The following STIM1 variants were observed in gnomAD, a reference collection of about 807,000 sequenced individuals.
The protein encoded by STIM1 is stromal interaction molecule 1.
In STIM1, 25 loss-of-function variants were observed where a neutral mutation model predicts 74.7. That is an observed-to-expected ratio of 0.33 (90% confidence interval 0.24 to 0.47). The LOEUF (loss-of-function observed/expected upper bound fraction) is 0.47, where lower values mean the gene tolerates loss of function less well. STIM1 is among the 20% of genes least tolerant of loss of function. The pLI, the probability that STIM1 is intolerant of heterozygous loss-of-function variation, is 1.00. For synonymous variants in STIM1, 328 were observed against 348.8 expected (o/e 0.94, Z 0.66); for missense variants, 728 against 920.8 (o/e 0.79, Z 2.71).
At chr11:3,906,336 C>T (rs2135458937) in intron 1 of STIM1, among the ~76,000 whole-genome samples, 1 of 152,330 alleles carries the variant, frequency 6.6e-6, no homozygotes, top group South Asian at 2.1e-4. Context: ...GCGAGTCATT[C>T]TCCCTTTGCA....
intron 1 of STIM1, among the ~76,000 whole-genome samples, chr11:3,893,360 T>C (rs566272778): frequency 7.2e-5 from 11 of 152,352 alleles, no homozygotes; most frequent in African/African-American, 2.4e-4. Context: ...AAATTGTACA[T>C]TTACCTACAA....
intron 2 of STIM1, among the ~76,000 whole-genome samples, chr11:3,990,229 T>C (rs2093597807): frequency 6.6e-6 from 1 of 152,268 alleles, no homozygotes; most frequent in Non-Finnish European, 1.5e-5. Context: ...CTGTACATGT[T>C]CATGTATATA....
chr11:4,028,034 C>T (rs1220781933), intron 3 of STIM1, among the ~76,000 whole-genome samples: 3 of 152,198 alleles, frequency 2.0e-5, no homozygotes, highest in African/African-American at 7.2e-5. Context: ...TACTGTTTCT[C>T]TTCTCCTTTC....
At chr11:3,958,160 A>G (rs1590600736) in intron 1 of STIM1, among the ~76,000 whole-genome samples, 1 of 152,154 alleles carries the variant, frequency 6.6e-6, no homozygotes, top group Non-Finnish European at 1.5e-5. Flanking sequence ...CACCGCTCCC[A>G]GCTGATTAAT....
rs1406268204 is a variant in STIM1, at chr11:4,083,498, T to C, written c.1474T>C (p.Tyr492His). Residue 492 changes from tyrosine (Y) to histidine (H), a missense_variant and splice_region_variant, in exon 10 of 13, where the codon TAT becomes CAT. Physicochemically the swap from Tyr to His is moderately conservative, Grantham distance 83 (BLOSUM62 2). Coordinates refer to ENST00000526596, the MANE Select transcript of STIM1 (RefSeq NM_001382567.1). ...GATTGTGTCTCCCTTGTCCATGCAGTGTAGGTGACCTCTTTGCGGGGATGA... is the reference window on the plus strand; with the variant it reads ...GATTGTGTCTCCCTTGTCCATGCAGCGTAGGTGACCTCTTTGCGGGGATGA... ...EEIVSPLSMQ[Y>H]AAWLMGRRFS... 1 of 1,612,690 alleles carries C rather than the reference T, an allele frequency of 6.2e-7. No homozygotes were observed. The highest frequency in any genetic ancestry group is 2.2e-5 in the East Asian group (1 of 44,864).
At chr11:3,890,877 G>T (rs2091872667) in intron 1 of STIM1, among the ~76,000 whole-genome samples, 1 of 152,112 alleles carries the variant, frequency 6.6e-6, no homozygotes, top group African/African-American at 2.4e-5. Context: ...CAGGTATTGG[G>T]CCAGAAGTCT....
At chr11:4,027,715 C>A (rs2094009531) in intron 3 of STIM1, among the ~76,000 whole-genome samples, 1 of 152,094 alleles carries the variant, frequency 6.6e-6, no homozygotes, top group Non-Finnish European at 1.5e-5. Context: ...AGAGAAGAAT[C>A]AGATTGGCGT....
intron 2 of STIM1, among the ~76,000 whole-genome samples, chr11:4,004,163 G>T (rs1247164647): frequency 6.6e-6 from 1 of 152,188 alleles, no homozygotes; most frequent in African/African-American, 2.4e-5. Flanking sequence ...TGGCCATGCT[G>T]CCCAAGGTAA....
intron 3 of STIM1, among the ~76,000 whole-genome samples, chr11:4,053,850 C>T (rs2094265438): frequency 6.6e-6 from 1 of 152,172 alleles, no homozygotes; most frequent in Non-Finnish European, 1.5e-5. Context: ...TTCAAGCAAT[C>T]TCCCGCCTTA....
intron 2 of STIM1, among the ~76,000 whole-genome samples, chr11:3,996,195 G>A (rs1000574172): frequency 2.6e-5 from 4 of 152,130 alleles, no homozygotes; most frequent in African/African-American, 9.7e-5. Flanking sequence ...TTTGAGTCAC[G>A]GTTCTGGAGC....
intron 2 of STIM1, among the ~76,000 whole-genome samples, chr11:3,997,840 T>TA (rs150589049): frequency 1.3e-5 from 2 of 152,308 alleles, no homozygotes; most frequent in East Asian, 3.9e-4. Flanking sequence ...TAAATGGAGT[T>TA]AAAGCTTTAA....
intron 1 of STIM1, among the ~76,000 whole-genome samples, chr11:3,906,811 AT>A (rs1459300078): frequency 2.6e-5 from 4 of 152,212 alleles, no homozygotes; most frequent in African/African-American, 7.2e-5. Flanking sequence ...GAATAAAGCA[AT>A]AAGTAGATGT....
At chr11:4,045,762 CTTTTTTTTTT>C (rs35939527) in intron 3 of STIM1, among the ~76,000 whole-genome samples, 4 of 104,488 alleles carry the variant, frequency 3.8e-5, no homozygotes, top group African/African-American at 1.0e-4. Flanking sequence ...CTCAACACTT[CTTTTTTTTTT>C]TTTTTTTTTT....
In STIM1 at chr11:4,079,147, C is replaced by T. The variant is rs191700595; in HGVS notation, c.970-3037C>T. ...TCTACTAAAAATACAAAAAATTAGCCGGGCGTGGTGGCGGGTGTCTGTAAT... is the reference window on the plus strand; with the variant it reads ...TCTACTAAAAATACAAAAAATTAGCTGGGCGTGGTGGCGGGTGTCTGTAAT... On this transcript the variant is annotated intron_variant, in intron 7 of 12. Coordinates refer to ENST00000526596, the MANE Select transcript of STIM1 (RefSeq NM_001382567.1). Among the ~76,000 whole-genome samples the T allele has an allele frequency of 9.5e-3, 1,445 of 151,890 alleles. 24 individuals are homozygous for T. Among genetic ancestry groups the T allele is most frequent in the African/African-American group, 0.033 (1,364 of 41,436 alleles).
At chr11:3,951,827 A>T (rs192980849) in intron 1 of STIM1, among the ~76,000 whole-genome samples, 1 of 152,256 alleles carries the variant, frequency 6.6e-6, no homozygotes. Flanking sequence ...TCAGACCCTG[A>T]TGAGTGCTGG....
chr11:3,995,396 A>G (rs566503911), intron 2 of STIM1, among the ~76,000 whole-genome samples: 4 of 152,202 alleles, frequency 2.6e-5, no homozygotes, highest in African/African-American at 9.6e-5. Context: ...CACAGTGTGA[A>G]TCCTCTGATG....
intron 2 of STIM1, among the ~76,000 whole-genome samples, chr11:4,011,729 T>A (rs377051448): frequency 1.3e-5 from 2 of 152,322 alleles, no homozygotes; most frequent in East Asian, 1.9e-4. Context: ...GTAGTTTAAT[T>A]AGATCCCATT....
At chr11:4,015,921 G>C (rs146757956) in intron 2 of STIM1, among the ~76,000 whole-genome samples, 482 of 152,208 alleles carry the variant, frequency 3.2e-3, no homozygotes, top group Non-Finnish European at 3.1e-3. Context: ...CTCTACACTG[G>C]TTATTTTAGT....
intron 3 of STIM1, among the ~76,000 whole-genome samples, chr11:4,045,405 A>G (rs1242843891): frequency 6.6e-6 from 1 of 151,686 alleles, no homozygotes; most frequent in Non-Finnish European, 1.5e-5. Context: ...TAGGATATAT[A>G]TTCATTTTCA....
Sources: gnomAD v4.1 joint callset for allele counts (sites outside exome capture counted in the v4.1 genomes callset) on GRCh38, gnomAD v4.1.1 for gene constraint, MANE v1.5 for transcripts, NCBI Gene and HGNC (gene_info 2026-07-23, HGNC 2026-07-21) for gene names.